AGO2: variants seen among roughly 807,000 people sequenced by gnomAD.
AGO2 encodes the protein protein argonaute-2.
In AGO2, 5 loss-of-function variants were observed where a neutral mutation model predicts 102.3. That is an observed-to-expected ratio of 0.05 (90% CI 0.03 to 0.10). AGO2 has a LOEUF of 0.10. AGO2 is among the 10% of genes least tolerant of loss of function. AGO2 has a pLI of 1.00. For missense variants in AGO2, 541 were observed against 1,183.7 expected (o/e 0.46, Z 7.97); for synonymous variants, 449 against 473.1 (o/e 0.95, Z 0.66).
At chr8:140,560,237 C>A (rs1246369376) in intron 5 of AGO2, 137 bp downstream of exon 5, 1 of 1,326,058 alleles carries the variant, frequency 7.5e-7, no homozygotes, top group Admixed American at 2.3e-5. Context: ...TGAGACCAGC[C>A]AGGTGTCACG....
intron 1 of AGO2, among the ~76,000 whole-genome samples, chr8:140,612,147 TGA>T (rs1334166571): frequency 7.2e-6 from 1 of 137,988 alleles, no homozygotes; most frequent in Non-Finnish European, 1.5e-5. Context: ...CGCTTGAACC[TGA>T]GAGGCGGAGG....
In AGO2 at chr8:140,539,805, T is replaced by A. The variant is rs533993629; in HGVS notation, c.2035-351A>T. ...TCCTGCAGAAGCTCAGGGCAGGCTTTGGGCTGGGCGCAGTGGCTCATGCCT... is the reference window on the plus strand; with the variant it reads ...TCCTGCAGAAGCTCAGGGCAGGCTTAGGGCTGGGCGCAGTGGCTCATGCCT... On this transcript the variant is annotated intron_variant, in intron 15 of 18. Transcript: ENST00000220592. This position sits in a 1 kb window ranked among gnomAD's most constrained non-coding sequence, Gnocchi z 4.7. Among the ~76,000 whole-genome samples, 24 of 152,308 alleles carry A rather than the reference T, an allele frequency of 1.6e-4. No individual in the cohort carries two copies. Among genetic ancestry groups the A allele is most frequent in the African/African-American group, 5.8e-4 (24 of 41,580 alleles).
rs1486152281 is a variant in AGO2 at position 140,540,769 on chromosome 8, G to C, written c.2034+395C>G. Among the ~76,000 whole-genome samples, 2 of 152,128 alleles carry C rather than the reference G, an allele frequency of 1.3e-5. No homozygotes were observed. Among genetic ancestry groups the C allele is most frequent in the African/African-American group, 4.8e-5 (2 of 41,436 alleles). ...TCCACACCTCTCACACTGCAGACAG[G>C]CGTCCCCAGACGCAATGAGCTCCCC... On this transcript the variant is annotated intron_variant, in intron 15 of 18. Transcript: ENST00000220592. This position sits in a 1 kb window ranked among gnomAD's most constrained non-coding sequence, Gnocchi z 5.0.
intron 16 of AGO2, among the ~76,000 whole-genome samples, chr8:140,535,986 G>A (rs554932972): frequency 6.1e-4 from 93 of 152,316 alleles, no homozygotes; most frequent in Non-Finnish European, 7.3e-5. Context: ...CAAGCACACC[G>A]GCGCTCCAGG....
chr8:140,572,728 A>C, intron 3 of AGO2, 84 bp downstream of exon 3: 1 of 1,521,022 alleles, frequency 6.6e-7, no homozygotes, highest in Admixed American at 2.1e-5. Flanking sequence ...TTCGTGTATG[A>C]GAACAGGCAT....
At chr8:140,536,631 T>C (rs2072703398) in intron 16 of AGO2, among the ~76,000 whole-genome samples, 1 of 152,180 alleles carries the variant, frequency 6.6e-6, no homozygotes, top group African/African-American at 2.4e-5. Flanking sequence ...GGCCCTAATA[T>C]CTCTTTTCAA....
At position 140,546,862 on chromosome 8, in the gene AGO2, T is replaced by C. The variant is rs192457907; in HGVS notation, c.1748+606A>G. 3.0e-3 allele frequency among the ~76,000 whole-genome samples: 455 copies of C among 152,348 alleles called. 4 individuals are homozygous for C. The highest frequency in any genetic ancestry group is 0.01 in the African/African-American group (431 of 41,588). The stretch of plus-strand genomic sequence containing the variant: ...TTGGAGGAGGGGAAGAAGCAAACCC[T>C]GGCCCTGCCCTGGAATACCTGGATG... On this transcript the variant is annotated intron_variant, in intron 13 of 18. Transcript: ENST00000220592.
rs776153766 is a variant in AGO2 at position 140,549,315 on chromosome 8, C to T, written c.1404-17G>A. On this transcript the variant is annotated splice_polypyrimidine_tract_variant and intron_variant, in intron 11 of 18. Coordinates refer to ENST00000220592, the MANE Select transcript of AGO2 (RefSeq NM_012154.5). ...GTGAAGGACCTGCAGGAGAAGGCTC[C>T]GTTCACTACCGGGCACTGGGAATGG... 8.9e-6 allele frequency: 14 copies of T among 1,572,188 alleles called. No homozygotes were observed. The highest frequency in any genetic ancestry group is 2.3e-5 in the East Asian group (1 of 44,118).
intron 1 of AGO2, among the ~76,000 whole-genome samples, chr8:140,611,772 C>G (rs7837131): frequency 0.46 from 69,539 of 151,932 alleles, 16,111 homozygotes; most frequent in Non-Finnish European, 0.51. Context: ...GGGTGCCGGG[C>G]AGATGTCTTC....
At chr8:140,640,806 A>C in the AGO2 span, among the ~76,000 whole-genome samples, 1 of 152,192 alleles carries the variant, frequency 6.6e-6, no homozygotes, top group African/African-American at 2.4e-5. Context: ...GGCGTGAGCC[A>C]CCACGCCTGG....
upstream of AGO2, among the ~76,000 whole-genome samples, chr8:140,639,330 A>C (rs1334468132): frequency 6.6e-6 from 1 of 152,124 alleles, no homozygotes; most frequent in Non-Finnish European, 1.5e-5. Flanking sequence ...AAATACAAAA[A>C]ATTAGCTGGT....
At chr8:140,571,166 C>T (rs527601588) in intron 3 of AGO2, among the ~76,000 whole-genome samples, 12 of 152,296 alleles carry the variant, frequency 7.9e-5, no homozygotes, top group East Asian at 1.9e-4. Flanking sequence ...GCAGTGACAA[C>T]GCACAGACCA....
chr8:140,613,898 A>T (rs1378869248), intron 1 of AGO2, among the ~76,000 whole-genome samples: 1 of 151,522 alleles, frequency 6.6e-6, no homozygotes, highest in Non-Finnish European at 1.5e-5. Context: ...CATGCCTGTG[A>T]TCCCAGCTAC....
intron 1 of AGO2, among the ~76,000 whole-genome samples, chr8:140,619,748 G>A (rs1367951785): frequency 2.0e-5 from 3 of 152,188 alleles, no homozygotes; most frequent in South Asian, 2.1e-4. Flanking sequence ...AGGTTTCAAC[G>A]AATAAGCAAA....
At chr8:140,581,215 C>A (rs985694290) in intron 2 of AGO2, among the ~76,000 whole-genome samples, 1 of 152,200 alleles carries the variant, frequency 6.6e-6, no homozygotes, top group Non-Finnish European at 1.5e-5. Context: ...CCAGCCTGGG[C>A]AACATGGTGA....
At chr8:140,611,580 G>A (rs1327941085) in intron 1 of AGO2, among the ~76,000 whole-genome samples, 3 of 151,994 alleles carry the variant, frequency 2.0e-5, no homozygotes, top group East Asian at 2.0e-4. Context: ...CGCCCACCTC[G>A]GCCTCCCAAA....
intron 2 of AGO2, among the ~76,000 whole-genome samples, chr8:140,575,446 G>C (rs1217757643): frequency 2.0e-5 from 3 of 152,148 alleles, no homozygotes; most frequent in African/African-American, 7.2e-5. Flanking sequence ...CATTACAAAG[G>C]GTCCCCAACC....
intron 1 of AGO2, chr8:140,592,667 T>C (rs979756179): frequency 1.3e-5 from 2 of 152,240 alleles, no homozygotes; most frequent in Non-Finnish European, 2.9e-5. Context: ...TTATATTTTA[T>C]CCTTTTTAGT....
chr8:140,539,676 C>T lies in AGO2; in HGVS notation c.2035-222G>A, dbSNP rs893262847. Among the ~76,000 whole-genome samples, 1 of 152,236 alleles carries T rather than the reference C, an allele frequency of 6.6e-6. No individual in the cohort carries two copies. Among genetic ancestry groups the T allele is most frequent in the Non-Finnish European group, 1.5e-5 (1 of 68,042 alleles). ...TTGGCACTCAGGAATGGGAAGAACA[C>T]TTCCCCTGGAGGGCCCAGGAGGTTG... On this transcript the variant is annotated intron_variant, in intron 15 of 18. Coordinates refer to ENST00000220592, the MANE Select transcript of AGO2 (RefSeq NM_012154.5). This position sits in a 1 kb window ranked among gnomAD's most constrained non-coding sequence, Gnocchi z 4.7.
Sources: allele counts gnomAD v4.1 joint callset (sites outside exome capture counted in the v4.1 genomes callset), GRCh38; gene constraint gnomAD v4.1.1; non-coding constraint Gnocchi (gnomAD v3.1); transcripts MANE v1.5; gene names NCBI Gene and HGNC (gene_info 2026-07-23, HGNC 2026-07-21).